The following CDH18 variants were observed in gnomAD, a reference collection of about 807,000 sequenced individuals.
CDH18 encodes the protein cadherin-18.
A neutral mutation model predicts 67.9 loss-of-function variants in CDH18; 31 were observed. The ratio of observed to expected loss-of-function variants is 0.46; its 90% confidence interval spans 0.34 to 0.62. The LOEUF (loss-of-function observed/expected upper bound fraction) is 0.62, where lower values mean the gene tolerates loss of function less well. Among genes scored for constraint, CDH18 ranks in the 20% least tolerant of loss-of-function variants. The pLI, the probability that CDH18 is intolerant of heterozygous loss-of-function variation, is 0.01. For synonymous variants in CDH18, 362 were observed against 347.2 expected, an observed-to-expected ratio of 1.04 and a Z score of -0.48; for missense variants, 890 against 975.5, an observed-to-expected ratio of 0.91 and a Z score of 1.17.
At chr5:19,689,802 T>A (rs1055533129) in intron 5 of CDH18, among the ~76,000 whole-genome samples, 1 of 151,942 alleles carries the variant, frequency 6.6e-6, no homozygotes, top group South Asian at 2.1e-4. Context: ...TAAATTAGAC[T>A]TTTTACTTAA....
At chr5:20,530,008 G>T (rs1490400083) in intron 1 of CDH18, among the ~76,000 whole-genome samples, 1 of 151,924 alleles carries the variant, frequency 6.6e-6, no homozygotes, top group Non-Finnish European at 1.5e-5. Context: ...CAGGCCAAAA[G>T]CTTCTTAAGC....
rs59764100 is a variant in CDH18 at position 20,279,725 on chromosome 5, A to AAAAAAAAC, written c.-579-24221_-579-24220insGTTTTTTT. On this transcript the variant is annotated intron_variant, in intron 1 of 14. Transcript: ENST00000507958. ...AAAAAAAAAAAAAAAAAAAAAAAAA[A>AAAAAAAAC]AAAGCAAAAACTGTAAGAGCGAGAT... is the stretch of plus-strand genomic sequence containing the variant. Among the ~76,000 whole-genome samples, 896 of 128,710 alleles carry AAAAAAAAC rather than the reference A, an allele frequency of 7.0e-3. 38 individuals carry two copies. Among genetic ancestry groups the AAAAAAAAC allele is most frequent in the South Asian group, 9.7e-3 (39 of 4,008 alleles). The allele number at this position is 128,710 out of a possible 152,430, so 84.4% of individuals were successfully genotyped here.
At chr5:20,239,828 T>C (rs1040729110) in intron 2 of CDH18, among the ~76,000 whole-genome samples, 2 of 151,806 alleles carry the variant, frequency 1.3e-5, no homozygotes, top group African/African-American at 4.8e-5. Context: ...TAATTAAGAG[T>C]CTCCTGGATC....
chr5:20,125,461 T>C (rs965531578), intron 2 of CDH18, among the ~76,000 whole-genome samples: 3 of 152,166 alleles, frequency 2.0e-5, no homozygotes, highest in Non-Finnish European at 4.4e-5. Flanking sequence ...GAATATATGC[T>C]TGAGTGGGTT....
At chr5:19,710,900 A>G (rs1370232554) in intron 5 of CDH18, among the ~76,000 whole-genome samples, 1 of 152,108 alleles carries the variant, frequency 6.6e-6, no homozygotes, top group Non-Finnish European at 1.5e-5. Flanking sequence ...ACATAAAAAT[A>G]GACACATAGA....
chr5:19,738,798 C>A (rs978322238), intron 4 of CDH18, among the ~76,000 whole-genome samples: 5 of 152,014 alleles, frequency 3.3e-5, no homozygotes, highest in African/African-American at 1.2e-4. Flanking sequence ...AGGCTTTATA[C>A]CTGAATGACG....
At chr5:19,661,131 A>G (rs1282690972) in intron 5 of CDH18, among the ~76,000 whole-genome samples, 2 of 148,440 alleles carry the variant, frequency 1.3e-5, no homozygotes, top group East Asian at 4.2e-4. Flanking sequence ...TTAGGCTTTG[A>G]AAAAAAAAAG....
At chr5:20,037,177 T>G (rs1739950738) in intron 2 of CDH18, among the ~76,000 whole-genome samples, 1 of 152,116 alleles carries the variant, frequency 6.6e-6, no homozygotes, top group Non-Finnish European at 1.5e-5. Flanking sequence ...CTGGTTATTT[T>G]GCCCATTAGT....
At chr5:19,798,083 T>A (rs1361379890) in intron 3 of CDH18, among the ~76,000 whole-genome samples, 1 of 152,032 alleles carries the variant, frequency 6.6e-6, no homozygotes, top group African/African-American at 2.4e-5. Context: ...CAGTGAAAGA[T>A]CCTAGTGGTT....
chr5:20,088,443 T>A (rs1745156256), intron 2 of CDH18, among the ~76,000 whole-genome samples: 1 of 152,198 alleles, frequency 6.6e-6, no homozygotes, highest in Admixed American at 6.5e-5. Context: ...GGAAAATACT[T>A]CTCATTTTTG....
At chr5:20,391,945 C>A (rs199567870) in intron 1 of CDH18, among the ~76,000 whole-genome samples, 1 of 151,872 alleles carries the variant, frequency 6.6e-6, no homozygotes, top group African/African-American at 2.4e-5. Flanking sequence ...ATTGTTATAG[C>A]ATAAACAGCC....
chr5:20,425,709 A>G (rs771851275), intron 1 of CDH18, among the ~76,000 whole-genome samples: 26 of 150,926 alleles, frequency 1.7e-4, no homozygotes, highest in Non-Finnish European at 3.1e-4. Context: ...ATAATTCCTC[A>G]CTCTTAGCTG....
intron 5 of CDH18, among the ~76,000 whole-genome samples, chr5:19,682,242 A>T (rs1405712781): frequency 6.6e-6 from 1 of 152,064 alleles, no homozygotes; most frequent in African/African-American, 2.4e-5. Context: ...GAGGAGGGAA[A>T]AGTCTTCGCT....
intron 1 of CDH18, among the ~76,000 whole-genome samples, chr5:20,372,595 G>A (rs931384016): frequency 6.6e-6 from 1 of 152,118 alleles, no homozygotes; most frequent in African/African-American, 2.4e-5. Context: ...ATTGAAATCA[G>A]TTAATAGTTA....
chr5:19,702,882 A>G (rs1172299164), intron 5 of CDH18, among the ~76,000 whole-genome samples: 2 of 152,122 alleles, frequency 1.3e-5, no homozygotes, highest in Non-Finnish European at 2.9e-5. Flanking sequence ...GCAGAAAACC[A>G]CTTAAGGCAT....
chr5:19,603,222 A>C (rs1250031227), intron 6 of CDH18, among the ~76,000 whole-genome samples: 3 of 152,192 alleles, frequency 2.0e-5, no homozygotes, highest in African/African-American at 7.2e-5. Flanking sequence ...AGCCTGGATG[A>C]ACCTTGAAAC....
At chr5:19,829,182 G>A (rs1263113455) in intron 3 of CDH18, among the ~76,000 whole-genome samples, 1 of 152,144 alleles carries the variant, frequency 6.6e-6, no homozygotes, top group East Asian at 1.9e-4. Context: ...CACCACTGCT[G>A]TTCAATATAG....
intron 2 of CDH18, among the ~76,000 whole-genome samples, chr5:20,050,708 C>T (rs1183955425): frequency 6.6e-6 from 1 of 151,726 alleles, no homozygotes; most frequent in Non-Finnish European, 1.5e-5. Flanking sequence ...ATAGGCAGTT[C>T]AAGTAGAATA....
chr5:20,506,089 A>C (rs1217318885), intron 1 of CDH18, among the ~76,000 whole-genome samples: 1 of 152,224 alleles, frequency 6.6e-6, no homozygotes, highest in Non-Finnish European at 1.5e-5. Context: ...CAATTCAGTT[A>C]GACACACAAA....
Sources: gnomAD v4.1 joint callset for allele counts (sites outside exome capture counted in the v4.1 genomes callset) on GRCh38, gnomAD v4.1.1 for gene constraint, MANE v1.5 for transcripts, NCBI Gene and HGNC (gene_info 2026-07-23, HGNC 2026-07-21) for gene names.